SLX4IP: variants seen among roughly 807,000 people sequenced by gnomAD.
SLX4IP encodes SLX4 interacting protein.
In SLX4IP, 34 loss-of-function variants were observed where a neutral mutation model predicts 32.9. That is an observed-to-expected ratio of 1.03 (90% CI 0.79 to 1.38). The LOEUF is 1.38. Ranked by LOEUF, SLX4IP falls within the 40% of genes most tolerant of loss-of-function variation. SLX4IP has a pLI of 0.00. For missense variants in SLX4IP, 444 were observed against 479.0 expected (o/e 0.93, Z 0.68); for synonymous variants, 172 against 171.7 (o/e 1.00, Z -0.01).
At chr20:10,510,652 T>C (rs1600944818) in intron 2 of SLX4IP, among the ~76,000 whole-genome samples, 2 of 151,604 alleles carry the variant, frequency 1.3e-5, no homozygotes, top group East Asian at 3.9e-4. Context: ...GTCACCAGAC[T>C]GGACTGCAGT....
intron 4 of SLX4IP, among the ~76,000 whole-genome samples, chr20:10,565,397 G>A (rs948500951): frequency 1.2e-4 from 19 of 152,178 alleles, no homozygotes; most frequent in African/African-American, 4.6e-4. Flanking sequence ...GTCGGGGACA[G>A]CTTTGAGACA....
intron 1 of SLX4IP, among the ~76,000 whole-genome samples, chr20:10,438,474 T>G (rs1470879586): frequency 3.3e-4 from 41 of 123,630 alleles, no homozygotes; most frequent in East Asian, 2.9e-3. Flanking sequence ...GTGTGTGTGT[T>G]TTTTTTTTTT....
At chr20:10,552,334 TCTC>T (rs934135974) in intron 2 of SLX4IP, among the ~76,000 whole-genome samples, 1 of 152,098 alleles carries the variant, frequency 6.6e-6, no homozygotes, top group Non-Finnish European at 1.5e-5. Flanking sequence ...GAAATAACCT[TCTC>T]CTAATTAGGA....
At chr20:10,453,415 A>T (rs1210337376) in intron 1 of SLX4IP, among the ~76,000 whole-genome samples, 1 of 151,586 alleles carries the variant, frequency 6.6e-6, no homozygotes, top group African/African-American at 2.4e-5. Context: ...CACAGCTCTC[A>T]TGGAGGCCTC....
intron 2 of SLX4IP, among the ~76,000 whole-genome samples, chr20:10,485,220 A>G (rs967263992): frequency 5.3e-5 from 8 of 152,026 alleles, no homozygotes; most frequent in South Asian, 2.1e-4. Context: ...TGTTTTTTGT[A>G]TCTCTTATGT....
chr20:10,495,969 C>T (rs139953125), intron 2 of SLX4IP, among the ~76,000 whole-genome samples: 3 of 151,434 alleles, frequency 2.0e-5, no homozygotes, highest in Admixed American at 2.0e-4. Context: ...GCTTTTTCAG[C>T]CCTTTTTGTG....
chr20:10,559,208 A>G (rs2066304232), intron 3 of SLX4IP, among the ~76,000 whole-genome samples: 1 of 151,994 alleles, frequency 6.6e-6, no homozygotes, highest in Admixed American at 6.5e-5. Flanking sequence ...GTAAAGGGAT[A>G]TCTCTGTATT....
Position 10,529,590 on chromosome 20 carries a change from C to CAAAA in SLX4IP, c.28-26620_28-26617dup, listed in dbSNP as rs71334410. Among the ~76,000 whole-genome samples the CAAAA allele has an allele frequency of 5.9e-3, 316 of 53,456 alleles. 9 individuals are homozygous for CAAAA. The highest frequency in any genetic ancestry group is 0.013 in the Middle Eastern group (1 of 76). 35.1% of individuals were successfully genotyped at this position (53,456 alleles called of 152,430 possible). On this transcript the variant is annotated intron_variant, in intron 2 of 7. Coordinates refer to ENST00000334534, the MANE Select transcript of SLX4IP (RefSeq NM_001009608.3). Reference sequence around the variant, plus strand: ...TGGGTGACCGTGTGAGACTCCATCTCAAAAAAAAAAAAAAAAAAAAAAAAT... The same window carrying CAAAA: ...TGGGTGACCGTGTGAGACTCCATCTCAAAAAAAAAAAAAAAAAAAAAAAAAAAAT...
intron 2 of SLX4IP, among the ~76,000 whole-genome samples, chr20:10,511,139 G>C (rs562172966): frequency 6.6e-6 from 1 of 152,140 alleles, no homozygotes; most frequent in Non-Finnish European, 1.5e-5. Flanking sequence ...AGTTGATGGT[G>C]GTCCTTTAAA....
chr20:10,582,049 A>G (rs543454435), intron 4 of SLX4IP, among the ~76,000 whole-genome samples: 1 of 152,314 alleles, frequency 6.6e-6, no homozygotes, highest in East Asian at 1.9e-4. Flanking sequence ...ATGTGGCATA[A>G]TAAAATGTTA....
At chr20:10,605,569 A>G (rs2066896421) in intron 6 of SLX4IP, among the ~76,000 whole-genome samples, 1 of 152,204 alleles carries the variant, frequency 6.6e-6, no homozygotes, top group African/African-American at 2.4e-5. Flanking sequence ...TTTTACTTTT[A>G]AACCGAAGCT....
intron 6 of SLX4IP, among the ~76,000 whole-genome samples, chr20:10,616,350 A>G (rs1364762868): frequency 1.3e-5 from 2 of 148,268 alleles, no homozygotes; most frequent in Non-Finnish European, 3.0e-5. Flanking sequence ...TACAACGCCC[A>G]AGGTATTCCT....
intron 6 of SLX4IP, among the ~76,000 whole-genome samples, chr20:10,610,399 C>T (rs906987763): frequency 3.9e-5 from 6 of 152,258 alleles, no homozygotes; most frequent in Non-Finnish European, 8.8e-5. Flanking sequence ...CCCTGGCTCA[C>T]TTCCCCTTAG....
At chr20:10,532,055 C>G (rs1794074194) in intron 2 of SLX4IP, among the ~76,000 whole-genome samples, 1 of 152,164 alleles carries the variant, frequency 6.6e-6, no homozygotes, top group Non-Finnish European at 1.5e-5. Flanking sequence ...CAGGAATTTG[C>G]CTTTTTCACT....
intron 6 of SLX4IP, among the ~76,000 whole-genome samples, chr20:10,618,747 C>T (rs2067068462): frequency 6.6e-6 from 1 of 152,200 alleles, no homozygotes; most frequent in Non-Finnish European, 1.5e-5. Flanking sequence ...CCCGTAAGCC[C>T]AGAAGGCACT....
At chr20:10,469,180 C>T (rs1461684822) in intron 2 of SLX4IP, among the ~76,000 whole-genome samples, 2 of 152,174 alleles carry the variant, frequency 1.3e-5, no homozygotes, top group East Asian at 3.9e-4. Context: ...CTTTCCTTGT[C>T]CCAAAGATGA....
intron 2 of SLX4IP, among the ~76,000 whole-genome samples, chr20:10,541,387 T>G (rs1050016200): frequency 2.6e-5 from 4 of 152,208 alleles, no homozygotes; most frequent in African/African-American, 4.8e-5. Context: ...TTGCCCTTTG[T>G]GGTTTTAGTC....
intron 4 of SLX4IP, among the ~76,000 whole-genome samples, chr20:10,584,982 A>G (rs890858197): frequency 1.3e-5 from 2 of 152,230 alleles, no homozygotes; most frequent in African/African-American, 4.8e-5. Flanking sequence ...GTAGAATAGA[A>G]AACAGACTAC....
At chr20:10,531,314 T>C (rs1409244305) in intron 2 of SLX4IP, among the ~76,000 whole-genome samples, 3 of 152,246 alleles carry the variant, frequency 2.0e-5, no homozygotes, top group Non-Finnish European at 4.4e-5. Context: ...CATGGTATAT[T>C]CTCTGCTTTC....
Sources: allele counts gnomAD v4.1 joint callset (sites outside exome capture counted in the v4.1 genomes callset), GRCh38; gene constraint gnomAD v4.1.1; transcripts MANE v1.5; gene names NCBI Gene and HGNC (gene_info 2026-07-23, HGNC 2026-07-21).